VAPA: variants seen among roughly 807,000 people sequenced by gnomAD.
The protein encoded by VAPA is VAMP associated protein A, also known as vesicle-associated membrane protein-associated protein A.
Under a neutral mutation model 25.6 loss-of-function variants are expected in VAPA, and 6 were observed. The observed-to-expected ratio is 0.23, with a 90% CI of 0.13 to 0.46. The LOEUF (loss-of-function observed/expected upper bound fraction) is 0.46. VAPA is among the 20% of genes least tolerant of loss of function. The pLI, the probability that VAPA is intolerant of heterozygous loss-of-function variation, is 0.99. For missense variants in VAPA, 244 were observed against 302.1 expected, an observed-to-expected ratio of 0.81 and a Z score of 1.43; for synonymous variants, 112 against 106.2, an observed-to-expected ratio of 1.05 and a Z score of -0.34.
rs1045781938 is a variant in VAPA, at chr18:9,936,131, A to G, written c.254A>G (p.Tyr85Cys). The change falls in exon 3 of 6, where the codon TAT becomes TGT. Residue 85 changes from tyrosine (Y) to cysteine (C), a missense_variant. Around this residue, in one of 2 missense-constraint regions of VAPA, gnomAD observed 99 missense variants for 161.6 expected, o/e 0.61. Transcript: ENST00000400000. ...TVSVMLQPFDYDPNEKSKHKF... is the reference protein window; with the variant it reads ...TVSVMLQPFDCDPNEKSKHKF... ...TTAGTAATGCTACAGCCCTTTGACT[A>G]TGATCCGAATGAAAAGAGTAAACAC... 2 of 1,608,126 alleles carry G rather than the reference A, an allele frequency of 1.2e-6. No homozygotes were observed. Among genetic ancestry groups the G allele is most frequent in the Non-Finnish European group, 1.7e-6 (2 of 1,177,220 alleles).
At chr18:9,943,511 G>C (rs2069386811) in intron 4 of VAPA, among the ~76,000 whole-genome samples, 1 of 152,134 alleles carries the variant, frequency 6.6e-6, no homozygotes. Context: ...GTCAGTGCTA[G>C]TACTGAAAGC....
intron 1 of VAPA, among the ~76,000 whole-genome samples, chr18:9,924,411 T>C (rs950913760): frequency 6.6e-6 from 1 of 152,216 alleles, no homozygotes; most frequent in African/African-American, 2.4e-5. Context: ...GTACATCTTA[T>C]TGTTCTTTGG....
intron 1 of VAPA, among the ~76,000 whole-genome samples, chr18:9,923,493 T>C (rs1270794779): frequency 6.6e-6 from 1 of 152,216 alleles, no homozygotes; most frequent in African/African-American, 2.4e-5. Flanking sequence ...GACAGCTCTT[T>C]TGTAGCTGTA....
At chr18:9,915,791 G>T (rs1157801204) in intron 1 of VAPA, 1 of 152,148 alleles carries the variant, frequency 6.6e-6, no homozygotes, top group Non-Finnish European at 1.5e-5. Flanking sequence ...AAATTTCTTT[G>T]AATAGAAGTG....
chr18:9,941,072 TA>T (rs2069362164), intron 4 of VAPA, among the ~76,000 whole-genome samples: 1 of 152,186 alleles, frequency 6.6e-6, no homozygotes, highest in Non-Finnish European at 1.5e-5. Context: ...ATTTGCCTAT[TA>T]AAGGCTCTGA....
intron 4 of VAPA, among the ~76,000 whole-genome samples, chr18:9,939,860 C>G (rs940072490): frequency 6.6e-6 from 1 of 152,170 alleles, no homozygotes; most frequent in African/African-American, 2.4e-5. Flanking sequence ...AAAGAATAAT[C>G]TGGCTTAAAA....
chr18:9,932,332 G>C (rs560381908), intron 2 of VAPA, among the ~76,000 whole-genome samples: 2 of 152,198 alleles, frequency 1.3e-5, no homozygotes, highest in Non-Finnish European at 2.9e-5. Context: ...CTATAGAAGT[G>C]TCATAATTCT....
intron 4 of VAPA, among the ~76,000 whole-genome samples, chr18:9,943,840 CCTTTTTTTTTTTT>C (rs2069390671): frequency 2.2e-5 from 2 of 90,480 alleles, no homozygotes; most frequent in South Asian, 3.3e-4. Flanking sequence ...GACATATTTC[CCTTTTTTTTTTTT>C]TTTTTTTTTT....
At chr18:9,946,471 T>G (rs1477746199) in intron 4 of VAPA, among the ~76,000 whole-genome samples, 2 of 134,058 alleles carry the variant, frequency 1.5e-5, no homozygotes, top group Non-Finnish European at 3.5e-5. Flanking sequence ...TTTTTTTTTG[T>G]GTGATTTTTT....
chr18:9,924,282 A>T (rs29208), intron 1 of VAPA, among the ~76,000 whole-genome samples: 2 of 152,148 alleles, frequency 1.3e-5, no homozygotes, highest in African/African-American at 4.8e-5. Context: ...TAAACTTTAG[A>T]TGTGGACCGC....
intron 4 of VAPA, among the ~76,000 whole-genome samples, chr18:9,939,002 A>G (rs1272902837): frequency 6.6e-6 from 1 of 152,218 alleles, no homozygotes; most frequent in Non-Finnish European, 1.5e-5. Context: ...GTACTTTAAA[A>G]AAAGAGATAA....
rs2069568624 is a variant in VAPA at position 9,958,060 on chromosome 18, T to C, written c.*3849T>C. On this transcript the variant is annotated 3_prime_UTR_variant, in exon 6 of 6. Coordinates refer to ENST00000400000, the MANE Select transcript of VAPA (RefSeq NM_194434.3). ...CACAGTGTGTGCACTTCAGGCAATT[T>C]TTGGAAAATATAAAAAATTCCAAAT... is the stretch of plus-strand genomic sequence containing the variant. 6.6e-6 allele frequency: 1 copy of C among 152,258 alleles called. No homozygotes were observed. The highest frequency in any genetic ancestry group is 1.5e-5 in the Non-Finnish European group (1 of 68,046). 9.4% of individuals were successfully genotyped at this position (152,258 alleles called of 1,614,324 possible).
chr18:9,959,975 CATG>C lies in VAPA; in HGVS notation c.*5766_*5768del. 1 of 134,778 alleles carries C rather than the reference CATG, an allele frequency of 7.4e-6. No individual in the cohort carries two copies. Among genetic ancestry groups the C allele is most frequent in the East Asian group, 2.0e-4 (1 of 5,126 alleles). The allele number at this position is 134,778 out of a possible 1,614,324, so 8.3% of individuals were successfully genotyped here. Reference sequence around the variant, plus strand: ...GAATTAAATTTAAGGATATATTTCACATGAAAACAAATACAAACGAGAATCAAA... The same window carrying C: ...GAATTAAATTTAAGGATATATTTCACAAAACAAATACAAACGAGAATCAAA... On this transcript the variant is annotated 3_prime_UTR_variant, in exon 6 of 6. Coordinates refer to ENST00000400000, the MANE Select transcript of VAPA (RefSeq NM_194434.3).
chr18:9,918,572 TTTC>T (rs1457276536), intron 1 of VAPA, among the ~76,000 whole-genome samples: 1 of 152,200 alleles, frequency 6.6e-6, no homozygotes, highest in Non-Finnish European at 1.5e-5. Flanking sequence ...GTCTTCTAAT[TTTC>T]TTATTTGCTC....
At chr18:9,937,594 G>A (rs563187961) in intron 4 of VAPA, among the ~76,000 whole-genome samples, 2 of 152,268 alleles carry the variant, frequency 1.3e-5, no homozygotes, top group African/African-American at 4.8e-5. Context: ...TTGGGGGACT[G>A]AGGGATGTAT....
intron 1 of VAPA, among the ~76,000 whole-genome samples, chr18:9,925,244 T>C (rs1338024797): frequency 6.6e-6 from 1 of 152,134 alleles, no homozygotes; most frequent in Non-Finnish European, 1.5e-5. Context: ...ATGGATAAAC[T>C]GATTGTATAA....
intron 4 of VAPA, among the ~76,000 whole-genome samples, chr18:9,944,009 C>T (rs995024522): frequency 6.6e-6 from 1 of 151,412 alleles, no homozygotes; most frequent in Non-Finnish European, 1.5e-5. Flanking sequence ...CTACAGGTGC[C>T]CGCCACCACG....
intron 2 of VAPA, among the ~76,000 whole-genome samples, chr18:9,933,432 A>G (rs1191493626): frequency 2.0e-5 from 3 of 152,184 alleles, no homozygotes. Context: ...CTAATTCATC[A>G]GTTCCTGGGA....
chr18:9,932,032 A>G, intron 2 of VAPA, 70 bp downstream of exon 2: 1 of 1,198,082 alleles, frequency 8.3e-7, no homozygotes, highest in South Asian at 1.4e-5. Flanking sequence ...TTTGTTTAAT[A>G]AGGTTTCATC....
Sources: allele counts gnomAD v4.1 joint callset (sites outside exome capture counted in the v4.1 genomes callset), GRCh38; gene constraint gnomAD v4.1.1; regional missense constraint gnomAD v4.1.1; transcripts MANE v1.5; gene names NCBI Gene and HGNC (gene_info 2026-07-23, HGNC 2026-07-21).